The following RCHY1 variants were observed in gnomAD, a reference collection of about 807,000 sequenced individuals.
RCHY1 encodes the protein RING finger and CHY zinc finger domain-containing protein 1.
A neutral mutation model predicts 41.6 loss-of-function variants in RCHY1; 21 were observed. The observed-to-expected ratio is 0.51, with a 90% CI of 0.36 to 0.73. RCHY1 has a LOEUF of 0.73. Among genes scored for constraint, RCHY1 ranks in the 30% least tolerant of loss-of-function variants. The pLI is 0.00. For missense variants in RCHY1, 265 were observed against 325.3 expected (o/e 0.81, Z 1.43); for synonymous variants, 79 against 102.9 (o/e 0.77, Z 1.41).
chr4:75,509,161 T>C lies in RCHY1; in HGVS notation c.210+16A>G, dbSNP rs998576199. ...ACAGCTTTTAAAAAGAAAATAGAAA[T>C]GTCATAAAATCTTACATGTTGAATT... On this transcript the variant is annotated intron_variant, in intron 2 of 8. Coordinates refer to ENST00000324439, the MANE Select transcript of RCHY1 (RefSeq NM_015436.4). 4 of 1,600,802 alleles carry C rather than the reference T, an allele frequency of 2.5e-6. No homozygotes were observed. The highest frequency in any genetic ancestry group is 2.6e-6 in the Non-Finnish European group (3 of 1,174,352).
intron 1 of RCHY1, among the ~76,000 whole-genome samples, chr4:75,511,930 T>A (rs1373664749): frequency 6.6e-6 from 1 of 152,126 alleles, no homozygotes; most frequent in Non-Finnish European, 1.5e-5. Flanking sequence ...AAACCAATGC[T>A]ACAGAACAAC....
At chr4:75,514,056 G>A in intron 1 of RCHY1, 141 bp downstream of exon 1, 1 of 1,354,642 alleles carries the variant, frequency 7.4e-7, no homozygotes, top group Non-Finnish European at 9.9e-7. Context: ...TTCTCCTCAA[G>A]AAGAACCCAG....
intron 3 of RCHY1, among the ~76,000 whole-genome samples, chr4:75,501,865 G>A (rs932477745): frequency 5.3e-5 from 8 of 151,466 alleles, no homozygotes; most frequent in Admixed American, 5.3e-4. Flanking sequence ...GATCACCTGA[G>A]GTAGGGAGTT....
At chr4:75,489,157 A>G (rs1264859362) in intron 8 of RCHY1, among the ~76,000 whole-genome samples, 1 of 152,152 alleles carries the variant, frequency 6.6e-6, no homozygotes, top group African/African-American at 2.4e-5. Context: ...TGTATATATA[A>G]AATTTATATA....
In RCHY1 at chr4:75,480,775, A is replaced by AAT. The variant is rs1199091053; in HGVS notation, c.*1762_*1763insAT. The AAT allele has an allele frequency of 6.6e-6, 1 of 152,260 alleles. No individual in the cohort carries two copies. Among genetic ancestry groups the AAT allele is most frequent in the Non-Finnish European group, 1.5e-5 (1 of 68,114 alleles). The allele number at this position is 152,260 out of a possible 1,614,324, so 9.4% of individuals were successfully genotyped here. Reference sequence around the variant, plus strand: ...ATCCTAGCCCTTGGAAGGCCGAGGTAGGAGAAATGCTTGAGCCCAGGAGTT... The same window carrying AAT: ...ATCCTAGCCCTTGGAAGGCCGAGGTAATGGAGAAATGCTTGAGCCCAGGAGTT... On this transcript the variant is annotated 3_prime_UTR_variant, in exon 9 of 9. Coordinates refer to ENST00000324439, the MANE Select transcript of RCHY1 (RefSeq NM_015436.4).
At chr4:75,508,262 T>C (rs1201765932) in intron 3 of RCHY1, among the ~76,000 whole-genome samples, 2 of 152,134 alleles carry the variant, frequency 1.3e-5, no homozygotes, top group Non-Finnish European at 2.9e-5. Flanking sequence ...TACTGTACTT[T>C]AGACACACTT....
In RCHY1 at chr4:75,480,129, A is replaced by AAG. The variant is rs1721407503; in HGVS notation, c.*2407_*2408dup. 6.6e-6 allele frequency: 1 copy of AAG among 152,200 alleles called. No individual in the cohort carries two copies. The highest frequency in any genetic ancestry group is 2.4e-5 in the African/African-American group (1 of 41,454). The allele number at this position is 152,200 out of a possible 1,614,324, so 9.4% of individuals were successfully genotyped here. On this transcript the variant is annotated 3_prime_UTR_variant, in exon 9 of 9. Coordinates refer to ENST00000324439, the MANE Select transcript of RCHY1 (RefSeq NM_015436.4). Reference sequence around the variant, plus strand: ...TTGACGTGTCATGAACAAATACTTGAAGCAACCCTGGGTACCGAAGCCTAG... The same window carrying AAG: ...TTGACGTGTCATGAACAAATACTTGAAGAGCAACCCTGGGTACCGAAGCCTAG...
At chr4:75,490,403 C>T (rs562728143) in intron 8 of RCHY1, among the ~76,000 whole-genome samples, 178 bp downstream of exon 8, 3 of 151,616 alleles carry the variant, frequency 2.0e-5, no homozygotes, top group South Asian at 2.1e-4. Context: ...TTTTTTTTCC[C>T]GATCTGAGCT....
intron 3 of RCHY1, among the ~76,000 whole-genome samples, chr4:75,502,977 GA>G (rs76244619): frequency 1.5e-3 from 202 of 134,316 alleles, no homozygotes; most frequent in African/African-American, 4.2e-3. Flanking sequence ...TTCACAAATA[GA>G]AAAAAAAAAA....
chr4:75,506,983 G>A (rs1156968285), intron 3 of RCHY1, among the ~76,000 whole-genome samples: 2 of 152,072 alleles, frequency 1.3e-5, no homozygotes, highest in African/African-American at 4.8e-5. Flanking sequence ...TCTTTAAAGT[G>A]TTGGGAGGTC....
chr4:75,509,683 A>T (rs982909419), intron 1 of RCHY1: 10 of 175,748 alleles, frequency 5.7e-5, no homozygotes, highest in Non-Finnish European at 7.3e-5. Context: ...TAACTGAATC[A>T]TGGGGGCCAG....
At position 75,480,545 on chromosome 4, in the gene RCHY1, C is replaced by A. The variant is rs1382688278; in HGVS notation, c.*1993G>T. 6.6e-6 allele frequency: 1 copy of A among 152,146 alleles called. No homozygotes were observed. The highest frequency in any genetic ancestry group is 6.6e-5 in the Admixed American group (1 of 15,254). 9.4% of individuals were successfully genotyped at this position (152,146 alleles called of 1,614,324 possible). The stretch of plus-strand genomic sequence containing the variant: ...TTCTTGTCTATGAGGACAACACTTA[C>A]CCCACAGAATCATTGTAGTAATTAA... On this transcript the variant is annotated 3_prime_UTR_variant, in exon 9 of 9. Transcript: ENST00000324439.
At chr4:75,501,164 C>A (rs1479851598) in intron 3 of RCHY1, among the ~76,000 whole-genome samples, 1 of 152,166 alleles carries the variant, frequency 6.6e-6, no homozygotes, top group East Asian at 1.9e-4. Flanking sequence ...CATATACCAC[C>A]ACGCCTGGCT....
rs553587703 is a variant in RCHY1 at position 75,512,910 on chromosome 4, G to T, written c.90+1287C>A. On this transcript the variant is annotated intron_variant, in intron 1 of 8. Transcript: ENST00000324439. Reference sequence around the variant, plus strand: ...TTGGCCTCTGGTATTTAAGGGGGGGGGGGGGGCGGGGGAAGGCAAAAACTG... The same window carrying T: ...TTGGCCTCTGGTATTTAAGGGGGGGTGGGGGGCGGGGGAAGGCAAAAACTG... Among the ~76,000 whole-genome samples the T allele has an allele frequency of 4.2e-5, 6 of 141,322 alleles. No homozygotes were observed. In the South Asian group the frequency reaches 7.6e-4, roughly 18 times the overall value. The allele number at this position is 141,322 out of a possible 152,430, so 92.7% of individuals were successfully genotyped here.
At position 75,491,645 on chromosome 4, in the gene RCHY1, A is replaced by G; in HGVS notation, c.510-8T>C. The G allele has an allele frequency of 6.2e-7, 1 of 1,600,534 alleles. No homozygotes were observed. Among genetic ancestry groups the G allele is most frequent in the South Asian group, 1.1e-5 (1 of 90,224 alleles). On this transcript the variant is annotated splice_polypyrimidine_tract_variant and splice_region_variant and intron_variant, in intron 6 of 8. Transcript: ENST00000324439. ...ATTTCTTCATAACACGTTCTGAAAG[A>G]AAATATAAGATTATTTTAGTAAAAC... is the stretch of plus-strand genomic sequence containing the variant.
rs918553542 is a variant in RCHY1 at position 75,491,900 on chromosome 4, T to C, written c.439A>G (p.Ile147Val). 6.2e-7 allele frequency: 1 copy of C among 1,609,110 alleles called. No individual in the cohort carries two copies. Among genetic ancestry groups the C allele is most frequent in the African/African-American group, 1.3e-5 (1 of 74,626 alleles). Residue 147 changes from isoleucine to valine, a missense_variant, in exon 5 of 9, where the codon ATA becomes GTA. Transcript: ENST00000324439. ...IENVSRQNCP[I>V]CLEDIHTSRV... Reference sequence around the variant, plus strand: ...TATTTTAAGCCTACCTCCAAACATATTGGACAATTCTGTCGGGACACATTT... The same window carrying C: ...TATTTTAAGCCTACCTCCAAACATACTGGACAATTCTGTCGGGACACATTT...
At chr4:75,491,551 C>T (rs918001765) in intron 7 of RCHY1, 60 bp downstream of exon 7, 7 of 1,505,684 alleles carry the variant, frequency 4.6e-6, no homozygotes, top group African/African-American at 4.2e-5. Flanking sequence ...CACCTCCCCA[C>T]ACCACACACA....
chr4:75,490,837 G>A, intron 7 of RCHY1, 136 bp from the exon 8 acceptor site: 1 of 587,490 alleles, frequency 1.7e-6, no homozygotes, highest in East Asian at 3.0e-5. Context: ...TAATCTCTTA[G>A]GAACCTGGGA....
At chr4:75,507,161 T>G (rs1724402367) in intron 3 of RCHY1, among the ~76,000 whole-genome samples, 1 of 151,816 alleles carries the variant, frequency 6.6e-6, no homozygotes, top group Non-Finnish European at 1.5e-5. Flanking sequence ...AGAAGAAAAG[T>G]AACTCCAAAG....
Sources: gnomAD v4.1 joint callset for allele counts (sites outside exome capture counted in the v4.1 genomes callset) on GRCh38, gnomAD v4.1.1 for gene constraint, MANE v1.5 for transcripts, NCBI Gene and HGNC (gene_info 2026-07-23, HGNC 2026-07-21) for gene names.